Variants in DCX observed in about 807,000 individuals in gnomAD.
The protein encoded by DCX is neuronal migration protein doublecortin.
DCX carries 4 observed loss-of-function variants against 20.9 expected under a neutral mutation model. The observed-to-expected ratio is 0.19, with a 90% CI of 0.09 to 0.44. DCX has a LOEUF of 0.44. DCX is among the 20% of genes least tolerant of loss of function. DCX has a pLI of 0.99. For missense variants in DCX, 133 were observed against 296.9 expected (o/e 0.45, Z 4.06); for synonymous variants, 103 against 111.4 (o/e 0.92, Z 0.47).
chrX:111,398,214 A>G (rs1927489711), intron 3 of DCX, among the ~76,000 whole-genome samples: 1 of 110,317 alleles, frequency 9.1e-6, no homozygotes, highest in Non-Finnish European at 1.9e-5. Flanking sequence ...ACCTAAGGAT[A>G]ATGTCTGGGG....
chrX:111,398,838 C>T (rs1170569593), intron 3 of DCX, among the ~76,000 whole-genome samples: 2 of 111,899 alleles, frequency 1.8e-5, no homozygotes, highest in Non-Finnish European at 3.8e-5. Flanking sequence ...AGAGGCTAGG[C>T]ATGGTGGCTC....
chrX:111,349,701 C>T (rs1451864188), intron 3 of DCX, among the ~76,000 whole-genome samples: 3 of 111,872 alleles, frequency 2.7e-5, no homozygotes, highest in Non-Finnish European at 5.6e-5. Context: ...CATTTCCTTA[C>T]ATAATATCCC....
At chrX:111,346,292 T>C (rs748725647) in intron 3 of DCX, among the ~76,000 whole-genome samples, 1 of 111,976 alleles carries the variant, frequency 8.9e-6, no homozygotes, top group Admixed American at 9.5e-5. Context: ...GAATGTTTCA[T>C]AGACTGTCAG....
At chrX:111,308,327 G>A (rs1287580706) in intron 6 of DCX, among the ~76,000 whole-genome samples, 2 of 111,993 alleles carry the variant, frequency 1.8e-5, no homozygotes, top group Non-Finnish European at 3.8e-5. Context: ...AAGTCAGGGA[G>A]GAGTTTTGAG....
At chrX:111,353,140 G>C (rs1466277398) in intron 3 of DCX, among the ~76,000 whole-genome samples, 1 of 111,560 alleles carries the variant, frequency 9.0e-6, no homozygotes, top group Non-Finnish European at 1.9e-5. Flanking sequence ...GACCATGAAG[G>C]CAGTAGAACC....
intron 3 of DCX, among the ~76,000 whole-genome samples, chrX:111,339,944 A>G (rs1454556864): frequency 2.7e-5 from 3 of 112,289 alleles, no homozygotes; most frequent in Non-Finnish European, 5.6e-5. Flanking sequence ...ATACACTACA[A>G]CATAGCCTCA....
intron 3 of DCX, among the ~76,000 whole-genome samples, chrX:111,333,695 T>A (rs1019262188): frequency 2.7e-5 from 3 of 112,229 alleles, no homozygotes; most frequent in African/African-American, 9.7e-5. Flanking sequence ...AACTTGGTAG[T>A]GGCCCAGAAT....
intron 2 of DCX, among the ~76,000 whole-genome samples, chrX:111,402,144 C>T (rs996370323): frequency 8.9e-6 from 1 of 112,126 alleles, no homozygotes; most frequent in African/African-American, 3.2e-5. Context: ...GTCATCTTCA[C>T]CAGTGCTCAC....
chrX:111,388,176 G>A (rs1234813074), intron 3 of DCX, among the ~76,000 whole-genome samples: 2 of 111,382 alleles, frequency 1.8e-5, no homozygotes, highest in Non-Finnish European at 3.8e-5. Flanking sequence ...ACAACTTTGG[G>A]GGACTATTCA....
intron 2 of DCX, among the ~76,000 whole-genome samples, chrX:111,407,482 A>T (rs946989618): frequency 1.3e-4 from 15 of 111,703 alleles, no homozygotes; most frequent in Admixed American, 1.3e-3. Flanking sequence ...CACATTTCTT[A>T]ACACTATCCC....
intron 3 of DCX, among the ~76,000 whole-genome samples, chrX:111,383,783 C>T (rs1365162691): frequency 9.0e-6 from 1 of 111,009 alleles, no homozygotes; most frequent in Non-Finnish European, 1.9e-5. Context: ...TACTGACACT[C>T]GTGCCTGGGT....
intron 5 of DCX, among the ~76,000 whole-genome samples, chrX:111,319,534 T>C (rs2095081668): frequency 8.9e-6 from 1 of 112,236 alleles, no homozygotes; most frequent in Admixed American, 9.4e-5. Context: ...TTTTTGTGAA[T>C]AACAAATGCA....
intron 3 of DCX, among the ~76,000 whole-genome samples, chrX:111,384,944 G>T (rs1926264723): frequency 8.9e-6 from 1 of 112,710 alleles, no homozygotes; most frequent in East Asian, 2.8e-4. Context: ...CCAAAGAGAG[G>T]TTGTGGTTTC....
At chrX:111,344,036 T>C (rs1383091181) in intron 3 of DCX, among the ~76,000 whole-genome samples, 3 of 111,918 alleles carry the variant, frequency 2.7e-5, no homozygotes, top group East Asian at 2.8e-4. Flanking sequence ...AAAAAACTTA[T>C]GCATCATGAA....
intron 3 of DCX, among the ~76,000 whole-genome samples, chrX:111,349,565 GA>G (rs1014136346): frequency 2.4e-4 from 26 of 108,833 alleles, no homozygotes; most frequent in African/African-American, 8.0e-4. Flanking sequence ...TTGAGGACAG[GA>G]AAAAAAAAGC....
At chrX:111,312,618 A>C in intron 6 of DCX, 21 bp downstream of exon 6, 1 of 1,197,161 alleles carries the variant, frequency 8.4e-7, no homozygotes, top group East Asian at 3.0e-5. Context: ...AAAGAGGTTT[A>C]GTAAGGTATA....
At chrX:111,302,405 C>T (rs1167234255) in intron 6 of DCX, among the ~76,000 whole-genome samples, 2 of 111,904 alleles carry the variant, frequency 1.8e-5, no homozygotes, top group African/African-American at 3.2e-5. Flanking sequence ...CTGCCATAAA[C>T]GCTCCTGTAC....
At chrX:111,306,786 A>G (rs994547253) in intron 6 of DCX, among the ~76,000 whole-genome samples, 2 of 111,721 alleles carry the variant, frequency 1.8e-5, no homozygotes, top group African/African-American at 3.2e-5. Context: ...ATTCATATAT[A>G]TGTTGAAATT....
intron 3 of DCX, among the ~76,000 whole-genome samples, chrX:111,383,409 A>G: frequency 8.9e-6 from 1 of 112,069 alleles, no homozygotes; most frequent in African/African-American, 3.2e-5. Flanking sequence ...TTGATAATTC[A>G]AGGAGACCTG....
Sources: allele counts gnomAD v4.1 joint callset (sites outside exome capture counted in the v4.1 genomes callset), GRCh38; gene constraint gnomAD v4.1.1; transcripts MANE v1.5; gene names NCBI Gene and HGNC (gene_info 2026-07-23, HGNC 2026-07-21).